The following GPC6 variants were observed in gnomAD, a reference collection of about 807,000 sequenced individuals.
GPC6 encodes glypican-6.
A neutral mutation model predicts 55.2 loss-of-function variants in GPC6; 14 were observed. The observed-to-expected ratio is 0.25, with a 90% CI of 0.17 to 0.40. The LOEUF is 0.40. Among genes scored for constraint, GPC6 ranks in the 10% least tolerant of loss-of-function variants. The pLI is 1.00. For missense variants in GPC6, 641 were observed against 708.5 expected (o/e 0.90, Z 1.08); for synonymous variants, 278 against 259.6 (o/e 1.07, Z -0.68).
intron 1 of GPC6, among the ~76,000 whole-genome samples, chr13:93,385,963 T>C (rs1469167981): frequency 1.3e-5 from 2 of 151,998 alleles, no homozygotes; most frequent in African/African-American, 4.8e-5. Context: ...TCTCCTTTTG[T>C]ATGGATAAAT....
intron 3 of GPC6, among the ~76,000 whole-genome samples, chr13:93,981,758 C>A (rs1422216897): frequency 6.6e-6 from 1 of 152,124 alleles, no homozygotes; most frequent in Non-Finnish European, 1.5e-5. Flanking sequence ...AATCATTTCA[C>A]AGTGTCATGT....
chr13:93,832,089 C>CAAA (rs71207433), intron 3 of GPC6, among the ~76,000 whole-genome samples: 1 of 8,536 alleles, frequency 1.2e-4, no homozygotes, highest in Non-Finnish European at 1.9e-4. Context: ...GACTCCAACT[C>CAAA]AAAAAAAAAA....
chr13:94,249,290 C>G (rs1281301725), intron 4 of GPC6, among the ~76,000 whole-genome samples: 1 of 152,126 alleles, frequency 6.6e-6, no homozygotes, highest in Non-Finnish European at 1.5e-5. Context: ...TGTAATCACA[C>G]ATCATTAGAC....
chr13:93,479,139 T>C (rs1879404105), intron 1 of GPC6, among the ~76,000 whole-genome samples: 1 of 152,140 alleles, frequency 6.6e-6, no homozygotes, highest in Non-Finnish European at 1.5e-5. Flanking sequence ...GCTTGGAAGA[T>C]GGGTGGAATA....
At chr13:93,976,947 A>G (rs927709242) in intron 3 of GPC6, among the ~76,000 whole-genome samples, 3 of 152,106 alleles carry the variant, frequency 2.0e-5, no homozygotes, top group Non-Finnish European at 2.9e-5. Context: ...CGTACTTCAC[A>G]TTTTAATTAT....
intron 3 of GPC6, among the ~76,000 whole-genome samples, chr13:93,851,826 T>C (rs879701495): frequency 7.9e-5 from 12 of 151,820 alleles, no homozygotes; most frequent in Non-Finnish European, 1.3e-4. Context: ...CTGCCACTTG[T>C]TACCTAGTGA....
intron 1 of GPC6, among the ~76,000 whole-genome samples, chr13:93,389,166 G>A (rs1875517793): frequency 6.6e-6 from 1 of 152,014 alleles, no homozygotes; most frequent in South Asian, 2.1e-4. Context: ...TGAATGGGTA[G>A]AAATACTAAT....
chr13:93,995,274 G>A (rs1003074045), intron 3 of GPC6, among the ~76,000 whole-genome samples: 1 of 151,818 alleles, frequency 6.6e-6, no homozygotes, highest in Admixed American at 6.6e-5. Flanking sequence ...TACAACTTCT[G>A]CCTCCTGGGT....
chr13:93,644,042 T>C (rs1261970015), intron 2 of GPC6, among the ~76,000 whole-genome samples: 1 of 152,064 alleles, frequency 6.6e-6, no homozygotes. Flanking sequence ...AGCTATGTAA[T>C]CCCATCAGCT....
chr13:94,036,775 G>A (rs575021501), intron 4 of GPC6, among the ~76,000 whole-genome samples: 9 of 138,210 alleles, frequency 6.5e-5, no homozygotes, highest in African/African-American at 1.7e-4. Flanking sequence ...TTTCACACCA[G>A]CTTGAAGAGA....
At chr13:93,603,549 T>C (rs1299630032) in intron 2 of GPC6, among the ~76,000 whole-genome samples, 1 of 152,190 alleles carries the variant, frequency 6.6e-6, no homozygotes, top group Non-Finnish European at 1.5e-5. Flanking sequence ...AACTGAGACA[T>C]GGAGAAGTTA....
At chr13:93,216,994 G>A in the GPC6 span, among the ~76,000 whole-genome samples, 1 of 152,080 alleles carries the variant, frequency 6.6e-6, no homozygotes, top group African/African-American at 2.4e-5. Flanking sequence ...TTGCATGATG[G>A]TTAAGTAATC....
intron 2 of GPC6, among the ~76,000 whole-genome samples, chr13:93,642,904 A>G (rs939634170): frequency 6.6e-6 from 1 of 152,158 alleles, no homozygotes; most frequent in Non-Finnish European, 1.5e-5. Flanking sequence ...GTGAGATGTT[A>G]TCACATTCTA....
At chr13:93,543,081 A>G (rs192487775) in intron 1 of GPC6, among the ~76,000 whole-genome samples, 41 of 151,920 alleles carry the variant, frequency 2.7e-4, no homozygotes, top group African/African-American at 9.7e-4. Context: ...AGTGTGAGAG[A>G]GGGCATCCCT....
intron 2 of GPC6, among the ~76,000 whole-genome samples, chr13:93,604,605 G>A (rs771022783): frequency 7.3e-5 from 11 of 151,680 alleles, no homozygotes; most frequent in South Asian, 2.1e-4. Flanking sequence ...CGCTGCTATC[G>A]TCACTAATAT....
chr13:94,034,244 GGAA>G (rs1414356184), intron 4 of GPC6, among the ~76,000 whole-genome samples: 38 of 147,496 alleles, frequency 2.6e-4, no homozygotes, highest in African/African-American at 8.3e-4. Context: ...AAGGAAGGAA[GGAA>G]GGAAAGAAAG....
At chr13:94,254,329 G>T (rs943914087) in intron 4 of GPC6, among the ~76,000 whole-genome samples, 1 of 152,048 alleles carries the variant, frequency 6.6e-6, no homozygotes, top group Non-Finnish European at 1.5e-5. Flanking sequence ...TTGAAGAAAT[G>T]TTTCCCTAGT....
At chr13:93,532,853 G>T (rs1413346959) in intron 1 of GPC6, among the ~76,000 whole-genome samples, 1 of 149,508 alleles carries the variant, frequency 6.7e-6, no homozygotes, top group Non-Finnish European at 1.5e-5. Context: ...TAGCTAATTG[G>T]TCCCATTTAA....
chr13:94,284,456 GT>G lies in GPC6; in HGVS notation c.878-1883del, dbSNP rs113507279. ...TATTATATCATATGAATACATGTATGTTTTTTTTTTAATTTTTTTCTACTTT... is the reference window on the plus strand; with the variant it reads ...TATTATATCATATGAATACATGTATGTTTTTTTTTAATTTTTTTCTACTTT... On this transcript the variant is annotated intron_variant, in intron 4 of 8. Transcript: ENST00000377047. 5.7e-4 allele frequency among the ~76,000 whole-genome samples: 85 copies of G among 149,830 alleles called. 1 individual carries two copies. The East Asian group carries it at 9.0e-3, about 16-fold the overall frequency.
Sources: gnomAD v4.1 joint callset for allele counts (sites outside exome capture counted in the v4.1 genomes callset) on GRCh38, gnomAD v4.1.1 for gene constraint, MANE v1.5 for transcripts, NCBI Gene and HGNC (gene_info 2026-07-23, HGNC 2026-07-21) for gene names.